ATP6V0A1: variants seen among roughly 807,000 people sequenced by gnomAD.
The protein encoded by ATP6V0A1 is V-type proton ATPase 116 kDa subunit a 1.
In ATP6V0A1, 43 loss-of-function variants were observed where a neutral mutation model predicts 105.4. That is an observed-to-expected ratio of 0.41 (90% CI 0.32 to 0.53). The LOEUF (loss-of-function observed/expected upper bound fraction) is 0.53. Among genes scored for constraint, ATP6V0A1 ranks in the 20% least tolerant of loss-of-function variants. The pLI, the probability that ATP6V0A1 is intolerant of heterozygous loss-of-function variation, is 0.30. For synonymous variants in ATP6V0A1, 362 were observed against 372.8 expected (o/e 0.97, Z 0.33); for missense variants, 676 against 1,051.1 (o/e 0.64, Z 4.93).
chr17:42,512,670 C>T (rs1340439741), intron 19 of ATP6V0A1, among the ~76,000 whole-genome samples: 1 of 152,174 alleles, frequency 6.6e-6, no homozygotes, highest in Non-Finnish European at 1.5e-5. Flanking sequence ...CTGGCTGCAC[C>T]CCTGTGGCCT....
chr17:42,459,623 C>T (rs1182892143), intron 1 of ATP6V0A1, among the ~76,000 whole-genome samples: 1 of 152,134 alleles, frequency 6.6e-6, no homozygotes, highest in East Asian at 1.9e-4. Context: ...ACTATGCTGA[C>T]CAGGCCTAAT....
At position 42,517,267 on chromosome 17, in the gene ATP6V0A1, G is replaced by A. The variant is rs1182901356; in HGVS notation, c.2420+2807G>A. The stretch of plus-strand genomic sequence containing the variant: ...TGCACTGCAACCTGGGCGACAGACC[G>A]AGACTCCGTCTCAAAACAACAACAA... On this transcript the variant is annotated intron_variant, in intron 21 of 21. Transcript: ENST00000343619. Among the ~76,000 whole-genome samples the A allele has an allele frequency of 2.0e-5, 3 of 152,142 alleles. No individual in the cohort carries two copies. In the East Asian group the frequency reaches 5.8e-4, roughly 29 times the overall value.
chr17:42,508,334 A>T (rs1334960939), intron 18 of ATP6V0A1, among the ~76,000 whole-genome samples: 1 of 152,250 alleles, frequency 6.6e-6, no homozygotes, highest in African/African-American at 2.4e-5. Flanking sequence ...TTCACTATAT[A>T]TGATTTTTTA....
At chr17:42,514,196 G>C in intron 20 of ATP6V0A1, 93 bp from the exon 21 acceptor site, 1 of 1,470,828 alleles carries the variant, frequency 6.8e-7, no homozygotes, top group South Asian at 1.3e-5. Flanking sequence ...AGGATCCAGG[G>C]AACCCTAGAG....
At chr17:42,507,435 G>A (rs1343995466) in intron 17 of ATP6V0A1, 85 bp from the exon 18 acceptor site, 10 of 925,810 alleles carry the variant, frequency 1.1e-5, no homozygotes, top group Non-Finnish European at 5.1e-6. Flanking sequence ...TCTGAGGTTT[G>A]TGTTACTAAC....
intron 10 of ATP6V0A1, among the ~76,000 whole-genome samples, chr17:42,488,311 G>C (rs2090305510): frequency 6.6e-6 from 1 of 152,234 alleles, no homozygotes; most frequent in African/African-American, 2.4e-5. Context: ...GTTAGCTGAA[G>C]AGAAGTACCT....
chr17:42,494,384 G>A lies in ATP6V0A1; in HGVS notation c.1225G>A (p.Asp409Asn). ...TTTTCTATTTGCTGTGATGTTTGGA[G>A]ACTTCGGTCATGGCATTTTAATGAC... ...FPFLFAVMFG[D>N]FGHGILMTLF... Residue 409 changes from aspartate to asparagine, a missense_variant, in exon 12 of 22, where the codon GAC becomes AAC. Transcript: ENST00000343619. 1 of 1,613,768 alleles carries A rather than the reference G, an allele frequency of 6.2e-7. No homozygotes were observed. Among genetic ancestry groups the A allele is most frequent in the Non-Finnish European group, 8.5e-7 (1 of 1,179,736 alleles).
chr17:42,485,539 G>GTTTTGTTTTGT (rs1555607758), intron 9 of ATP6V0A1, among the ~76,000 whole-genome samples: 3 of 151,496 alleles, frequency 2.0e-5, no homozygotes, highest in African/African-American at 7.3e-5. Context: ...TGTTTTGTTT[G>GTTTTGTTTTGT]TTTGTTTTGT....
intron 2 of ATP6V0A1, among the ~76,000 whole-genome samples, chr17:42,461,381 G>A (rs2086378637): frequency 6.6e-6 from 1 of 152,060 alleles, no homozygotes; most frequent in Non-Finnish European, 1.5e-5. Context: ...TAAAATTTGA[G>A]GTATCCAGCT....
At chr17:42,520,094 C>G (rs989245944) in intron 21 of ATP6V0A1, 4 of 218,832 alleles carry the variant, frequency 1.8e-5, no homozygotes, top group African/African-American at 9.2e-5. Context: ...TGCACGTGAC[C>G]TGTCACCTGG....
At chr17:42,485,533 T>G (rs2090018407) in intron 9 of ATP6V0A1, among the ~76,000 whole-genome samples, 1 of 151,084 alleles carries the variant, frequency 6.6e-6, no homozygotes, top group South Asian at 2.1e-4. Context: ...TTTTTGTGTT[T>G]TGTTTGTTTG....
intron 8 of ATP6V0A1, 128 bp from the exon 9 acceptor site, chr17:42,482,910 A>AG (rs1345946277): frequency 2.1e-6 from 1 of 480,920 alleles, no homozygotes; most frequent in Non-Finnish European, 3.2e-6. Context: ...AAAAAAAAAA[A>AG]AAAAAAGTGT....
intron 6 of ATP6V0A1, among the ~76,000 whole-genome samples, chr17:42,478,190 A>G (rs971109723): frequency 7.9e-6 from 1 of 126,010 alleles, no homozygotes; most frequent in Non-Finnish European, 1.6e-5. Context: ...GAAGGGGAAC[A>G]TCACACACCG....
intron 17 of ATP6V0A1, 175 bp from the exon 18 acceptor site, chr17:42,507,345 T>G (rs1599067225): frequency 3.8e-6 from 2 of 532,018 alleles, no homozygotes; most frequent in South Asian, 2.2e-5. Context: ...GGGGAGGCGG[T>G]GGTTGGGGTG....
chr17:42,501,182 C>G lies in ATP6V0A1; in HGVS notation c.1897-15C>G. The G allele has an allele frequency of 6.3e-7, 1 of 1,595,660 alleles. No homozygotes were observed. Among genetic ancestry groups the G allele is most frequent in the Middle Eastern group, 1.7e-4 (1 of 6,008 alleles). The stretch of plus-strand genomic sequence containing the variant: ...CTTTTATATGATGTACCTTGTCCTT[C>G]TTCTTACTCTGCAGAAAGGAATTCA... On this transcript the variant is annotated splice_polypyrimidine_tract_variant and intron_variant, in intron 16 of 21. Coordinates refer to ENST00000343619, the MANE Select transcript of ATP6V0A1 (RefSeq NM_001130021.3).
chr17:42,508,553 G>A lies in ATP6V0A1; in HGVS notation c.2113-19G>A. On this transcript the variant is annotated intron_variant, in intron 18 of 21. Transcript: ENST00000343619. The stretch of plus-strand genomic sequence containing the variant: ...TGTGTGGCGTGGCTCCCCACTAAGT[G>A]TAAATTTGTGTTTTCAAGCCTTCCG... 5 of 1,614,026 alleles carry A rather than the reference G, an allele frequency of 3.1e-6. No homozygotes were observed. The highest frequency in any genetic ancestry group is 1.1e-5 in the South Asian group (1 of 91,078).
rs2092834243 is a variant in ATP6V0A1 at position 42,521,629 on chromosome 17, T to C, written c.*509T>C. 6.6e-6 allele frequency: 1 copy of C among 152,312 alleles called. No homozygotes were observed. Among genetic ancestry groups the C allele is most frequent in the Non-Finnish European group, 1.5e-5 (1 of 68,098 alleles). The allele number at this position is 152,312 out of a possible 1,614,324, so 9.4% of individuals were successfully genotyped here. On this transcript the variant is annotated 3_prime_UTR_variant, in exon 22 of 22. Transcript: ENST00000343619. This position sits in a 1 kb window ranked among gnomAD's most constrained non-coding sequence, Gnocchi z 4.8. ...CAGGGGTGGGTCCAGGAAGATGATA[T>C]TTGCGTCTTTTGCCCACCCCCCTGG...
chr17:42,464,663 A>G (rs995727590), intron 2 of ATP6V0A1, among the ~76,000 whole-genome samples: 5 of 152,156 alleles, frequency 3.3e-5, no homozygotes, highest in African/African-American at 1.2e-4. Context: ...TTGGTCTCCC[A>G]AAGTGCTGGG....
chr17:42,492,554 A>G (rs1475617067), intron 11 of ATP6V0A1, among the ~76,000 whole-genome samples: 1 of 150,612 alleles, frequency 6.6e-6, no homozygotes, highest in Non-Finnish European at 1.5e-5. Context: ...TAAAAATACA[A>G]AATCAGCCAG....
Sources: allele counts gnomAD v4.1 joint callset (sites outside exome capture counted in the v4.1 genomes callset), GRCh38; gene constraint gnomAD v4.1.1; non-coding constraint Gnocchi (gnomAD v3.1); transcripts MANE v1.5; gene names NCBI Gene and HGNC (gene_info 2026-07-23, HGNC 2026-07-21).